Variants in CREBBP observed in about 807,000 individuals in gnomAD.
CREBBP encodes CREB-binding protein.
Under a neutral mutation model 265.0 loss-of-function variants are expected in CREBBP, and 19 were observed. That is an observed-to-expected ratio of 0.07 (90% CI 0.05 to 0.11). CREBBP has a LOEUF of 0.11. Among genes scored for constraint, CREBBP ranks in the 10% least tolerant of loss-of-function variants. CREBBP has a pLI of 1.00. For missense variants in CREBBP, 2,525 were observed against 3,219.0 expected (o/e 0.78, Z 5.22); for synonymous variants, 1,457 against 1,223.7 (o/e 1.19, Z -3.98).
chr16:3,740,633 T>G, intron 23 of CREBBP, 84 bp from the exon 24 acceptor site: 1 of 1,481,966 alleles, frequency 6.7e-7, no homozygotes, highest in Admixed American at 1.7e-5. Context: ...CACCCCACTT[T>G]GCAGCACAGG....
At chr16:3,866,638 A>G (rs951798807) in intron 1 of CREBBP, among the ~76,000 whole-genome samples, 1 of 152,166 alleles carries the variant, frequency 6.6e-6, no homozygotes, top group Admixed American at 6.5e-5. Context: ...AAGTAAATAC[A>G]TTTATGGTTT....
rs1428415929 is a variant in CREBBP at position 3,880,440 on chromosome 16, C to G, written c.-524G>C. The G allele has an allele frequency of 1.4e-5, 2 of 144,936 alleles. No homozygotes were observed. The highest frequency in any genetic ancestry group is 3.1e-5 in the Non-Finnish European group (2 of 65,106). 9.0% of individuals were successfully genotyped at this position (144,936 alleles called of 1,614,324 possible). ...GCCGCCGTGAGGAAAAACAATGCGC[C>G]GAGCGGGGTCGCCGCCGCCGCCGCG... On this transcript the variant is annotated 5_prime_UTR_variant, in exon 1 of 31. Coordinates refer to ENST00000262367, the MANE Select transcript of CREBBP (RefSeq NM_004380.3).
At chr16:3,759,536 G>A (rs923762155) in intron 16 of CREBBP, among the ~76,000 whole-genome samples, 6 of 147,408 alleles carry the variant, frequency 4.1e-5, no homozygotes, top group Middle Eastern at 3.5e-3. Context: ...GCAGTGAGCC[G>A]AGATTGCGCC....
At chr16:3,878,764 G>A (rs1201206719) in intron 1 of CREBBP, among the ~76,000 whole-genome samples, 2 of 152,224 alleles carry the variant, frequency 1.3e-5, no homozygotes, top group Non-Finnish European at 2.9e-5. Context: ...CTGCGCTGGA[G>A]ATGGAATTGT....
chr16:3,732,431 G>C (rs74005850), intron 28 of CREBBP, among the ~76,000 whole-genome samples: 3,450 of 152,334 alleles, frequency 0.023, 139 homozygotes, highest in African/African-American at 0.079. Context: ...AAGGCCCACG[G>C]AGAGCAGGCT....
chr16:3,824,206 C>G (rs1003600730), intron 2 of CREBBP, among the ~76,000 whole-genome samples: 11 of 152,240 alleles, frequency 7.2e-5, no homozygotes, highest in Non-Finnish European at 1.2e-4. Context: ...ACAAGGGGGT[C>G]AAGAGCTGGG....
At chr16:3,838,064 G>A (rs1233396081) in intron 2 of CREBBP, among the ~76,000 whole-genome samples, 1 of 152,116 alleles carries the variant, frequency 6.6e-6, no homozygotes, top group Non-Finnish European at 1.5e-5. Flanking sequence ...CAACTCACAG[G>A]CTCAAGTGAT....
chr16:3,798,748 G>A (rs559853838), intron 3 of CREBBP, among the ~76,000 whole-genome samples: 130 of 152,326 alleles, frequency 8.5e-4, no homozygotes, highest in Non-Finnish European at 1.5e-3. Flanking sequence ...GTAGAAGGCA[G>A]CAGCCACTCT....
At chr16:3,787,879 T>C (rs1331018369) in intron 5 of CREBBP, among the ~76,000 whole-genome samples, 1 of 152,182 alleles carries the variant, frequency 6.6e-6, no homozygotes, top group African/African-American at 2.4e-5. Context: ...TTTCACTGTG[T>C]TGCTCAGGCT....
intron 2 of CREBBP, among the ~76,000 whole-genome samples, chr16:3,837,894 C>G (rs1167168023): frequency 6.6e-6 from 1 of 152,156 alleles, no homozygotes; most frequent in African/African-American, 2.4e-5. Context: ...CAGCAACGTT[C>G]TCAGCTGTCA....
chr16:3,736,332 C>T, intron 27 of CREBBP, 129 bp from the exon 28 acceptor site: 1 of 984,932 alleles, frequency 1.0e-6, no homozygotes, highest in Non-Finnish European at 1.6e-6. Context: ...TGTGCCCCCC[C>T]ACCACAGTGC....
At chr16:3,816,258 T>C (rs2054034451) in intron 2 of CREBBP, among the ~76,000 whole-genome samples, 5 of 152,196 alleles carry the variant, frequency 3.3e-5, no homozygotes, top group South Asian at 2.1e-4. Flanking sequence ...TATCAATCAA[T>C]TAACTGTTTG....
chr16:3,839,500 G>A (rs2054522195), intron 2 of CREBBP, among the ~76,000 whole-genome samples: 1 of 151,964 alleles, frequency 6.6e-6, no homozygotes, highest in Non-Finnish European at 1.5e-5. Flanking sequence ...GGCCAACATG[G>A]TGAAACCCTG....
rs1158351339 is a variant in CREBBP at position 3,728,936 on chromosome 16, C to A, written c.6111G>T (p.Arg2037Ser). ...PQQQPMPGLP[R>S]PVISMQAQAA... ...CCTGGGCCTGCATGGATATCACAGG[C>A]CTGGGCAAGCCTGGCATGGGCTGCT... The change falls in exon 31 of 31, where the codon AGG (arginine) becomes AGT (serine). Residue 2037 changes from arginine (R) to serine (S), a missense_variant. Physicochemically the swap from Arg to Ser is moderately radical, Grantham distance 110 (BLOSUM62 -1). This residue lies in a region of CREBBP where 275 missense variants were observed against 276.5 expected (regional missense o/e 0.99). Coordinates refer to ENST00000262367, the MANE Select transcript of CREBBP (RefSeq NM_004380.3). This position sits in a 1 kb window ranked among gnomAD's most constrained non-coding sequence, Gnocchi z 8.7. The A allele has an allele frequency of 6.2e-7, 1 of 1,601,104 alleles. No homozygotes were observed. The highest frequency in any genetic ancestry group is 8.5e-7 in the Non-Finnish European group (1 of 1,178,054).
At chr16:3,868,270 C>CTTTGGACACGGGTT (rs1555499116) in intron 1 of CREBBP, among the ~76,000 whole-genome samples, 2 of 150,200 alleles carry the variant, frequency 1.3e-5, no homozygotes, top group Admixed American at 6.6e-5. Flanking sequence ...CTTAAAAAAA[C>CTTTGGACACGGGTT]TTTTAAAAGA....
At chr16:3,781,952 A>G (rs1277613520) in intron 6 of CREBBP, among the ~76,000 whole-genome samples, 1 of 152,206 alleles carries the variant, frequency 6.6e-6, no homozygotes, top group Non-Finnish European at 1.5e-5. Context: ...TTAGCTGGGC[A>G]TATTTTAAGG....
At chr16:3,752,346 T>C (rs372763666) in intron 19 of CREBBP, among the ~76,000 whole-genome samples, 3 of 152,166 alleles carry the variant, frequency 2.0e-5, no homozygotes, top group East Asian at 1.9e-4. Context: ...TTTTTCAAAA[T>C]GGAAAATTTA....
Position 3,773,838 on chromosome 16 carries a change from C to T in CREBBP, c.2376G>A (p.Gln792=), listed in dbSNP as rs1043170201. The T allele has an allele frequency of 6.2e-7, 1 of 1,612,864 alleles. No homozygotes were observed. The highest frequency in any genetic ancestry group is 8.5e-7 in the Non-Finnish European group (1 of 1,180,036). Residue 792 remains glutamine, a synonymous_variant, in exon 13 of 31, where the codon CAG becomes CAA. Coordinates refer to ENST00000262367, the MANE Select transcript of CREBBP (RefSeq NM_004380.3). ...ACGGGAACTGGTTCTGTGGCAGAAA[C>T]TGGCTCTGAGCGGGCGCCTGGGCCA... The part of the protein sequence containing the change: ...NMMAQAPAQS[Q]FLPQNQFPSS...
chr16:3,777,573 T>C lies in CREBBP; in HGVS notation c.2158+40A>G, dbSNP rs1023752910. 6 of 1,606,358 alleles carry C rather than the reference T, an allele frequency of 3.7e-6. No homozygotes were observed. The African/African-American group carries it at 4.0e-5, about 11-fold the overall frequency. On this transcript the variant is annotated intron_variant, in intron 11 of 30. Coordinates refer to ENST00000262367, the MANE Select transcript of CREBBP (RefSeq NM_004380.3). Reference sequence around the variant, plus strand: ...AACAGTGAAAGTTATGGCTGTTGAATGTAAAACTAAAATATGATTCACCAC... The same window carrying C: ...AACAGTGAAAGTTATGGCTGTTGAACGTAAAACTAAAATATGATTCACCAC...
Sources: gnomAD v4.1 joint callset for allele counts (sites outside exome capture counted in the v4.1 genomes callset) on GRCh38, gnomAD v4.1.1 for gene constraint, gnomAD v4.1.1 regional missense constraint, Gnocchi (gnomAD v3.1) non-coding constraint, MANE v1.5 for transcripts, NCBI Gene and HGNC (gene_info 2026-07-23, HGNC 2026-07-21) for gene names.